Variants in ZNF704 observed in about 807,000 individuals in gnomAD.
ZNF704 encodes glucocorticoid induced gene 1.
Under a neutral mutation model 44.7 loss-of-function variants are expected in ZNF704, and 10 were observed. The observed-to-expected ratio is 0.22, with a 90% CI of 0.14 to 0.38. ZNF704 has a LOEUF of 0.38. Among genes scored for constraint, ZNF704 ranks in the 10% least tolerant of loss-of-function variants. ZNF704 has a pLI of 1.00. For missense variants in ZNF704, 390 were observed against 545.5 expected (o/e 0.71, Z 2.84); for synonymous variants, 211 against 207.6 (o/e 1.02, Z -0.14).
At chr8:80,656,356 G>A (rs948650830) in intron 7 of ZNF704, among the ~76,000 whole-genome samples, 1 of 152,156 alleles carries the variant, frequency 6.6e-6, no homozygotes, top group Non-Finnish European at 1.5e-5. Context: ...CCAAGTCTGT[G>A]GTATTTTATG....
chr8:80,760,493 T>C (rs1427287081), intron 2 of ZNF704, among the ~76,000 whole-genome samples: 1 of 151,634 alleles, frequency 6.6e-6, no homozygotes, highest in Non-Finnish European at 1.5e-5. Flanking sequence ...CTGTCTCTAC[T>C]AAAAATACAA....
chr8:80,651,437 A>G (rs1348833271), intron 7 of ZNF704, among the ~76,000 whole-genome samples: 2 of 152,224 alleles, frequency 1.3e-5, no homozygotes, highest in Non-Finnish European at 2.9e-5. Flanking sequence ...ATGTGCAGAG[A>G]CACACATAGG....
upstream of ZNF704, among the ~76,000 whole-genome samples, chr8:80,878,720 T>C (rs1809390542): frequency 6.6e-6 from 1 of 152,122 alleles, no homozygotes; most frequent in South Asian, 2.1e-4. Context: ...TCAAGCATAA[T>C]CTCCACCCAG....
At chr8:80,784,878 T>C (rs920657202) in intron 2 of ZNF704, among the ~76,000 whole-genome samples, 3 of 152,240 alleles carry the variant, frequency 2.0e-5, no homozygotes, top group African/African-American at 7.2e-5. Context: ...ATTTATTTTT[T>C]AGAACAGTTT....
chr8:80,651,530 A>G (rs1057390141), intron 7 of ZNF704, among the ~76,000 whole-genome samples: 2 of 152,214 alleles, frequency 1.3e-5, no homozygotes, highest in African/African-American at 4.8e-5. Flanking sequence ...GTCTCTGATA[A>G]AACAGACTTT....
intron 2 of ZNF704, among the ~76,000 whole-genome samples, chr8:80,764,819 G>C (rs1051963005): frequency 2.6e-5 from 4 of 152,138 alleles, no homozygotes; most frequent in African/African-American, 9.7e-5. Context: ...TTATTCAAGA[G>C]AATAATTTCA....
intron 2 of ZNF704, among the ~76,000 whole-genome samples, chr8:80,764,026 A>T (rs1807177550): frequency 6.6e-6 from 1 of 152,208 alleles, no homozygotes; most frequent in Non-Finnish European, 1.5e-5. Flanking sequence ...ATTTTGCTCA[A>T]AACCATTCAA....
chr8:80,710,169 G>C (rs1268886799), intron 2 of ZNF704, among the ~76,000 whole-genome samples: 1 of 152,090 alleles, frequency 6.6e-6, no homozygotes, highest in Non-Finnish European at 1.5e-5. Flanking sequence ...AACTGTTTGA[G>C]AGTCACTCCA....
rs184238004 is a variant in ZNF704 at position 80,823,101 on chromosome 8, A to C, written c.-21-1486T>G. Among the ~76,000 whole-genome samples, 77 of 152,252 alleles carry C rather than the reference A, an allele frequency of 5.1e-4. 2 individuals are homozygous for C. In the East Asian group the frequency reaches 0.014, roughly 28 times the overall value. On this transcript the variant is annotated intron_variant, in intron 1 of 8. Coordinates refer to ENST00000327835, the MANE Select transcript of ZNF704 (RefSeq NM_001033723.3). ...ATGGGGCTTGTCACACAGTGAGTGC[A>C]GCCCACAGAGCAGGGTGGGGCATCG...
At position 80,751,887 on chromosome 8, in the gene ZNF704, C is replaced by T. The variant is rs572076384; in HGVS notation, c.222-58780G>A. ...TCCCAAGTAGCTGGGATTACAGGTG[C>T]CCACCACCACGCCCAGCTAATTTGT... On this transcript the variant is annotated intron_variant, in intron 2 of 8. Transcript: ENST00000327835. 2.6e-5 allele frequency among the ~76,000 whole-genome samples: 4 copies of T among 152,210 alleles called. No homozygotes were observed. The South Asian group carries it at 8.3e-4, about 32-fold the overall frequency.
chr8:80,793,467 A>C (rs1807746958), intron 2 of ZNF704, among the ~76,000 whole-genome samples: 1 of 152,112 alleles, frequency 6.6e-6, no homozygotes, highest in African/African-American at 2.4e-5. Context: ...ATATTCATGA[A>C]ATACATTCAT....
At chr8:80,684,558 G>C (rs1045412022) in intron 4 of ZNF704, among the ~76,000 whole-genome samples, 4 of 152,158 alleles carry the variant, frequency 2.6e-5, no homozygotes, top group Non-Finnish European at 5.9e-5. Flanking sequence ...AGGAAAATAA[G>C]ATGAACTCAG....
chr8:80,736,609 TACGAAGGGA>T (rs1452726372), intron 2 of ZNF704, among the ~76,000 whole-genome samples: 1 of 152,012 alleles, frequency 6.6e-6, no homozygotes, highest in Admixed American at 6.6e-5. Context: ...CCATGAAAAC[TACGAAGGGA>T]ACTTAAAAAA....
intron 2 of ZNF704, among the ~76,000 whole-genome samples, chr8:80,749,086 G>A (rs1177783778): frequency 6.6e-6 from 1 of 152,138 alleles, no homozygotes; most frequent in Non-Finnish European, 1.5e-5. Context: ...ACAACGGAAT[G>A]GCCCCATCTA....
intron 2 of ZNF704, among the ~76,000 whole-genome samples, chr8:80,743,104 G>C (rs1806788882): frequency 6.7e-6 from 1 of 149,444 alleles, no homozygotes; most frequent in South Asian, 2.1e-4. Context: ...TATAAACCCA[G>C]GCATTTGAGC....
At position 80,639,070 on chromosome 8, in the gene ZNF704, C is replaced by A. The variant is rs1176311258; in HGVS notation, c.*2296G>T. 6.6e-6 allele frequency: 1 copy of A among 152,306 alleles called. No homozygotes were observed. Among genetic ancestry groups the A allele is most frequent in the African/African-American group, 2.4e-5 (1 of 41,444 alleles). The allele number at this position is 152,306 out of a possible 1,614,324, so 9.4% of individuals were successfully genotyped here. On this transcript the variant is annotated 3_prime_UTR_variant, in exon 9 of 9. Coordinates refer to ENST00000327835, the MANE Select transcript of ZNF704 (RefSeq NM_001033723.3). ...TCCAGGACTGCTCCATAGCAAAGAT[C>A]TCTCCCTCCTTGTGTTTCAAAGTTC...
At chr8:80,875,092 A>C (rs1301421841), upstream of ZNF704, among the ~76,000 whole-genome samples, 3 of 152,208 alleles carry the variant, frequency 2.0e-5, no homozygotes, top group African/African-American at 7.2e-5. Flanking sequence ...TTGAAGAAAC[A>C]AATGGGTGGG....
At chr8:80,863,201 A>C (rs1809098596) in intron 1 of ZNF704, among the ~76,000 whole-genome samples, 1 of 152,150 alleles carries the variant, frequency 6.6e-6, no homozygotes. Flanking sequence ...TTTGAGTTAG[A>C]AGTCTATGAA....
At chr8:80,641,567 A>C in intron 8 of ZNF704, 90 bp from the exon 9 acceptor site, 1 of 482,556 alleles carries the variant, frequency 2.1e-6, no homozygotes, top group Non-Finnish European at 3.2e-6. Context: ...AGAGTGAGGG[A>C]GGAAAAAAAA....
Sources: allele counts gnomAD v4.1 joint callset (sites outside exome capture counted in the v4.1 genomes callset), GRCh38; gene constraint gnomAD v4.1.1; transcripts MANE v1.5; gene names NCBI Gene and HGNC (gene_info 2026-07-23, HGNC 2026-07-21).